USP8: variants seen among roughly 807,000 people sequenced by gnomAD.
USP8 encodes ubiquitin carboxyl-terminal hydrolase 8.
Under a neutral mutation model 130.0 loss-of-function variants are expected in USP8, and 27 were observed. The ratio of observed to expected loss-of-function variants is 0.21; its 90% CI spans 0.15 to 0.29. USP8 has a LOEUF of 0.29. Among genes scored for constraint, USP8 ranks in the 10% least tolerant of loss-of-function variants. USP8 has a pLI of 1.00. For missense variants in USP8, 1,029 were observed against 1,312.2 expected (o/e 0.78, Z 3.33); for synonymous variants, 392 against 444.1 (o/e 0.88, Z 1.48).
At chr15:50,485,272 C>T (rs530716528) in intron 12 of USP8, among the ~76,000 whole-genome samples, 19 of 151,616 alleles carry the variant, frequency 1.3e-4, no homozygotes, top group Non-Finnish European at 1.3e-4. Context: ...GGTGAAACGC[C>T]GTCTCTACTA....
At chr15:50,437,907 A>G (rs1018460552) in intron 1 of USP8, among the ~76,000 whole-genome samples, 8 of 152,350 alleles carry the variant, frequency 5.3e-5, no homozygotes, top group Middle Eastern at 3.4e-3. Context: ...CGTTGTTTCT[A>G]AATGCATAGA....
chr15:50,485,583 T>TTTTTTTTTTTTTTTTTTTTTTTC (rs71124357), intron 12 of USP8, among the ~76,000 whole-genome samples: 1 of 116,678 alleles, frequency 8.6e-6, no homozygotes, highest in Non-Finnish European at 1.7e-5. Flanking sequence ...TTTTTTTTTT[T>TTTTTTTTTTTTTTTTTTTTTTTC]AGTAATTTAG....
intron 7 of USP8, among the ~76,000 whole-genome samples, chr15:50,469,952 C>G (rs924850619): frequency 2.0e-5 from 3 of 152,030 alleles, no homozygotes; most frequent in Non-Finnish European, 2.9e-5. Flanking sequence ...CTGCCTCAGC[C>G]TCCTGAGTAG....
intron 7 of USP8, among the ~76,000 whole-genome samples, chr15:50,465,853 C>T (rs2051171939): frequency 6.6e-6 from 1 of 152,068 alleles, no homozygotes; most frequent in African/African-American, 2.4e-5. Flanking sequence ...AGGTAGTGAC[C>T]TAACATTTCT....
rs1436725481 is a variant in USP8 at position 50,511,978 on chromosome 15, A to C, written c.*12890A>C. 1 of 152,246 alleles carries C rather than the reference A, an allele frequency of 6.6e-6. No individual in the cohort carries two copies. Among genetic ancestry groups the C allele is most frequent in the Non-Finnish European group, 1.5e-5 (1 of 68,056 alleles). 9.4% of individuals were successfully genotyped at this position (152,246 alleles called of 1,614,324 possible). On this transcript the variant is annotated 3_prime_UTR_variant, in exon 20 of 20. Coordinates refer to ENST00000307179, the MANE Select transcript of USP8 (RefSeq NM_005154.5). ...GCACCATTGCACTCCAGCCTGAGCAAGAGTGAGATATTGTCTCAAAAAATA... is the reference window on the plus strand; with the variant it reads ...GCACCATTGCACTCCAGCCTGAGCACGAGTGAGATATTGTCTCAAAAAATA...
intron 1 of USP8, chr15:50,424,755 G>T (rs2049646873): frequency 2.8e-6 from 1 of 355,480 alleles, no homozygotes; most frequent in African/African-American, 2.1e-5. Flanking sequence ...GGTTTTAAAA[G>T]GTGGCTTTGA....
At chr15:50,481,443 T>C in intron 10 of USP8, 38 bp from the exon 11 acceptor site, 1 of 1,438,288 alleles carries the variant, frequency 7.0e-7, no homozygotes, top group East Asian at 2.5e-5. Context: ...TTTCCTGATT[T>C]TTGACAAAAA....
At chr15:50,485,960 C>T (rs1001721784) in intron 12 of USP8, among the ~76,000 whole-genome samples, 3 of 152,068 alleles carry the variant, frequency 2.0e-5, no homozygotes, top group Non-Finnish European at 2.9e-5. Flanking sequence ...TAATAAAAGC[C>T]TGCACATGTT....
chr15:50,474,186 A>G (rs2051483783), intron 8 of USP8, among the ~76,000 whole-genome samples: 1 of 151,444 alleles, frequency 6.6e-6, no homozygotes, highest in African/African-American at 2.4e-5. Flanking sequence ...TTATTTTTGT[A>G]GAGATGAGAT....
intron 5 of USP8, among the ~76,000 whole-genome samples, chr15:50,460,481 G>A (rs149450104): frequency 1.8e-4 from 27 of 151,208 alleles, no homozygotes; most frequent in East Asian, 9.8e-4. Flanking sequence ...GCTAATTTTC[G>A]TATTTTTAGT....
In USP8 at chr15:50,493,198, C is replaced by T. The variant is rs1007687225; in HGVS notation, c.2447+285C>T. 23 of 518,906 alleles carry T rather than the reference C, an allele frequency of 4.4e-5. 1 individual carries two copies. Among genetic ancestry groups the T allele is most frequent in the South Asian group, 2.1e-4 (14 of 65,166 alleles). 32.1% of individuals were successfully genotyped at this position (518,906 alleles called of 1,614,324 possible). On this transcript the variant is annotated intron_variant, in intron 15 of 19. Transcript: ENST00000307179. The stretch of plus-strand genomic sequence containing the variant: ...TAAACGGCACCTAATCCTGTTCACC[C>T]GGGAGGGGAGCCCTCATGGCCTTAT...
intron 1 of USP8, among the ~76,000 whole-genome samples, chr15:50,431,415 T>C (rs1282772983): frequency 1.3e-5 from 2 of 152,180 alleles, no homozygotes; most frequent in African/African-American, 2.4e-5. Flanking sequence ...ATATAAAGAA[T>C]TCTGGATGGC....
chr15:50,441,536 A>G (rs768578496), intron 3 of USP8, 43 bp downstream of exon 3: 4 of 1,491,552 alleles, frequency 2.7e-6, no homozygotes, highest in Admixed American at 2.5e-5. Flanking sequence ...GTTATTTTGC[A>G]TAATGGAGCT....
intron 4 of USP8, among the ~76,000 whole-genome samples, chr15:50,455,866 G>A (rs1476260757): frequency 2.6e-5 from 4 of 152,294 alleles, no homozygotes; most frequent in African/African-American, 9.6e-5. Flanking sequence ...TCTATACAAA[G>A]AATTTGGAAC....
At chr15:50,456,337 C>A (rs185834239) in intron 4 of USP8, among the ~76,000 whole-genome samples, 1 of 151,490 alleles carries the variant, frequency 6.6e-6, no homozygotes, top group Non-Finnish European at 1.5e-5. Context: ...TTTGGGAGGC[C>A]GAGGCAGGTG....
chr15:50,462,542 C>T (rs1292272861), intron 6 of USP8, among the ~76,000 whole-genome samples: 3 of 152,168 alleles, frequency 2.0e-5, no homozygotes, highest in Non-Finnish European at 4.4e-5. Context: ...TTTAACCTTA[C>T]ATGTTAAACT....
Position 50,481,951 on chromosome 15 carries a change from T to C in USP8, c.1689T>C (p.Asp563=). ...RQSKSEHETS[D]AKKSVEDRGK... ...GTAAAAGTGAACATGAAACTTCTGATGCCAAGAAATCTGTAGAAGATAGGG... is the reference window on the plus strand; with the variant it reads ...GTAAAAGTGAACATGAAACTTCTGACGCCAAGAAATCTGTAGAAGATAGGG... The change falls in exon 11 of 20, where the codon GAT becomes GAC. Residue 563 remains aspartate (D), a synonymous_variant. Coordinates refer to ENST00000307179, the MANE Select transcript of USP8 (RefSeq NM_005154.5). 1 of 1,606,798 alleles carries C rather than the reference T, an allele frequency of 6.2e-7. No homozygotes were observed.
Position 50,476,843 on chromosome 15 carries a change from T to C in USP8, c.850-6T>C. 1 of 1,546,434 alleles carries C rather than the reference T, an allele frequency of 6.5e-7. No individual in the cohort carries two copies. The highest frequency in any genetic ancestry group is 8.6e-7 in the Non-Finnish European group (1 of 1,157,454). ...CCTATTTAAAATATGATTTCCTTAT[T>C]TATAGTGGGAAAGTAAAACTGTCCT... On this transcript the variant is annotated splice_polypyrimidine_tract_variant and splice_region_variant and intron_variant, in intron 8 of 19. Transcript: ENST00000307179.
chr15:50,484,486 C>T, intron 12 of USP8, 125 bp downstream of exon 12: 1 of 706,802 alleles, frequency 1.4e-6, no homozygotes, highest in South Asian at 1.9e-5. Context: ...TCGTTGCCAT[C>T]TTTGGTAGCT....
Sources: allele counts gnomAD v4.1 joint callset (sites outside exome capture counted in the v4.1 genomes callset), GRCh38; gene constraint gnomAD v4.1.1; transcripts MANE v1.5; gene names NCBI Gene and HGNC (gene_info 2026-07-23, HGNC 2026-07-21).